The following PI4KA variants were observed in gnomAD, a reference collection of about 807,000 sequenced individuals.
PI4KA encodes the protein phosphatidylinositol 4-kinase alpha.
A neutral mutation model predicts 271.4 loss-of-function variants in PI4KA; 122 were observed. The ratio of observed to expected loss-of-function variants is 0.45; its 90% CI spans 0.39 to 0.52. PI4KA has a LOEUF of 0.52. PI4KA is among the 20% of genes least tolerant of loss of function. The pLI is 0.00. For synonymous variants in PI4KA, 1,041 were observed against 1,078.8 expected (o/e 0.96, Z 0.69); for missense variants, 1,969 against 2,769.1 (o/e 0.71, Z 6.48).
At chr22:20,725,775 C>T (rs1389662986) in intron 42 of PI4KA, 1 of 299,150 alleles carries the variant, frequency 3.3e-6, no homozygotes, top group South Asian at 3.0e-5. Flanking sequence ...ACACGCCTGT[C>T]ATCCCAGTTA....
intron 14 of PI4KA, among the ~76,000 whole-genome samples, chr22:20,800,507 A>G (rs1296925499): frequency 5.3e-5 from 8 of 152,124 alleles, no homozygotes; most frequent in Non-Finnish European, 4.4e-5. Context: ...GTTACTCTGG[A>G]TGTTGAGCTA....
intron 1 of PI4KA, among the ~76,000 whole-genome samples, chr22:20,858,275 T>C (rs1217555005): frequency 6.6e-6 from 1 of 152,116 alleles, no homozygotes; most frequent in Non-Finnish European, 1.5e-5. Context: ...ACCTCCGCGA[T>C]GTCACAAGAT....
chr22:20,812,952 C>G (rs1921261699), intron 8 of PI4KA, among the ~76,000 whole-genome samples: 1 of 152,106 alleles, frequency 6.6e-6, no homozygotes, highest in Non-Finnish European at 1.5e-5. Context: ...CCAAAGGTAC[C>G]CAAATATGAA....
At chr22:20,765,519 G>A (rs2147399289) in intron 20 of PI4KA, 66 bp downstream of exon 20, 1 of 1,070,894 alleles carries the variant, frequency 9.3e-7, no homozygotes, top group East Asian at 2.4e-5. Flanking sequence ...AATTACGTGG[G>A]CTCTGACCTC....
intron 28 of PI4KA, 122 bp downstream of exon 28, chr22:20,749,783 T>C (rs1930476538): frequency 1.5e-6 from 1 of 681,208 alleles, no homozygotes; most frequent in Non-Finnish European, 2.7e-6. Context: ...GGCCCTAGAC[T>C]GATGCTTCCA....
Position 20,813,509 on chromosome 22 carries a change from G to T in PI4KA, c.857-3C>A. The T allele has an allele frequency of 6.2e-7, 1 of 1,613,422 alleles. No individual in the cohort carries two copies. The highest frequency in any genetic ancestry group is 8.5e-7 in the Non-Finnish European group (1 of 1,179,658). On this transcript the variant is annotated splice_polypyrimidine_tract_variant and splice_region_variant and intron_variant, in intron 7 of 54. Coordinates refer to ENST00000255882, the MANE Select transcript of PI4KA (RefSeq NM_058004.4). ...AGTCCCATCGGGCAAGCAGGAGGCT[G>T]GTGGGAGATAAAGCTGGAAACTCAG...
At chr22:20,809,664 A>G (rs1935883287) in intron 9 of PI4KA, among the ~76,000 whole-genome samples, 1 of 152,094 alleles carries the variant, frequency 6.6e-6, no homozygotes, top group Non-Finnish European at 1.5e-5. Flanking sequence ...TGGAAAACCA[A>G]AGGTCTCTGA....
At chr22:20,798,336 G>A in intron 17 of PI4KA, 2 of 477,084 alleles carry the variant, frequency 4.2e-6, no homozygotes, top group Non-Finnish European at 7.6e-6. Context: ...CAGGTCAGCT[G>A]CATGTGCAGC....
intron 3 of PI4KA, among the ~76,000 whole-genome samples, chr22:20,827,594 T>C (rs944324060): frequency 6.6e-6 from 1 of 152,150 alleles, no homozygotes; most frequent in Non-Finnish European, 1.5e-5. Flanking sequence ...AAGAATGTCA[T>C]TGGTAGTTTG....
At chr22:20,839,181 C>A (rs1925252545) in intron 1 of PI4KA, among the ~76,000 whole-genome samples, 1 of 151,590 alleles carries the variant, frequency 6.6e-6, no homozygotes, top group Non-Finnish European at 1.5e-5. Flanking sequence ...CGTGCCACTG[C>A]ACTCCAGCCT....
chr22:20,735,103 A>G (rs922004580), intron 32 of PI4KA, among the ~76,000 whole-genome samples: 1 of 151,576 alleles, frequency 6.6e-6, no homozygotes, highest in African/African-American at 2.4e-5. Flanking sequence ...GGCTGCTCCC[A>G]TGGCCCAGTC....
intron 42 of PI4KA, among the ~76,000 whole-genome samples, chr22:20,724,291 G>A (rs1927091006): frequency 1.3e-5 from 2 of 149,650 alleles, no homozygotes; most frequent in South Asian, 2.1e-4. Flanking sequence ...GGCAACAAGA[G>A]CGAAACTCTG....
chr22:20,749,761 C>A, intron 28 of PI4KA, 144 bp downstream of exon 28: 1 of 632,096 alleles, frequency 1.6e-6, no homozygotes, highest in Non-Finnish European at 2.9e-6. Context: ...TCTGAGGCAT[C>A]TATTATTCTC....
intron 45 of PI4KA, among the ~76,000 whole-genome samples, chr22:20,715,472 G>C (rs1345149223): frequency 4.6e-5 from 7 of 151,760 alleles, no homozygotes; most frequent in East Asian, 1.9e-4. Flanking sequence ...TTTTGTCTAA[G>C]ACGTTTCTTT....
chr22:20,845,282 T>C (rs979130141), intron 1 of PI4KA, among the ~76,000 whole-genome samples: 4 of 152,212 alleles, frequency 2.6e-5, no homozygotes, highest in Admixed American at 2.6e-4. Context: ...TCTGGATGAC[T>C]GGGCAGAAAA....
chr22:20,839,488 G>A (rs1181434960), intron 1 of PI4KA, among the ~76,000 whole-genome samples: 3 of 152,162 alleles, frequency 2.0e-5, no homozygotes, highest in East Asian at 3.9e-4. Flanking sequence ...ACCACGAACA[G>A]GTTACCCAAA....
At chr22:20,770,921 T>C (rs1932845476) in intron 19 of PI4KA, among the ~76,000 whole-genome samples, 1 of 152,198 alleles carries the variant, frequency 6.6e-6, no homozygotes, top group South Asian at 2.1e-4. Context: ...AGTTCACGCC[T>C]GTCTTCCCAG....
chr22:20,803,704 A>T (rs1443727234), intron 12 of PI4KA, among the ~76,000 whole-genome samples: 2 of 151,898 alleles, frequency 1.3e-5, no homozygotes, highest in African/African-American at 4.8e-5. Flanking sequence ...CTAATTTTTT[A>T]AATTTTTTGT....
At chr22:20,799,035 C>G in intron 16 of PI4KA, 58 bp downstream of exon 16, 7 of 1,409,116 alleles carry the variant, frequency 5.0e-6, no homozygotes, top group Non-Finnish European at 6.9e-6. Context: ...CCCTTATAGT[C>G]AAGAGTTTAA....
Sources: gnomAD v4.1 joint callset for allele counts (sites outside exome capture counted in the v4.1 genomes callset) on GRCh38, gnomAD v4.1.1 for gene constraint, MANE v1.5 for transcripts, NCBI Gene and HGNC (gene_info 2026-07-23, HGNC 2026-07-21) for gene names.